Variants in SLC67A2 observed in about 807,000 individuals in gnomAD.
SLC67A2 encodes solute carrier family 67 member A2.
At chr2:102,727,485 T>C in the SLC67A2 span, among the ~76,000 whole-genome samples, 1 of 152,258 alleles carries the variant, frequency 6.6e-6, no homozygotes. Context: ...TCATTCCATG[T>C]TATTAAAACT....
the SLC67A2 span, chr2:102,718,636 G>A: frequency 8.1e-6 from 13 of 1,613,782 alleles, no homozygotes; most frequent in East Asian, 6.7e-5. Flanking sequence ...CCTGGGCCCC[G>A]CCCACAGTCA....
the SLC67A2 span, among the ~76,000 whole-genome samples, chr2:102,715,144 G>T: frequency 6.6e-6 from 1 of 152,132 alleles, no homozygotes; most frequent in Non-Finnish European, 1.5e-5. Flanking sequence ...CCAAAGTCCA[G>T]ACTACTCCTT....
At chr2:102,718,365 TC>T in the SLC67A2 span, 1 of 1,593,288 alleles carries the variant, frequency 6.3e-7, no homozygotes, top group Non-Finnish European at 8.6e-7. Context: ...CATCATGGCC[TC>T]CGGCCCTCAT....
chr2:102,736,699 C>G, the SLC67A2 span: 1 of 1,613,346 alleles, frequency 6.2e-7, no homozygotes, highest in African/African-American at 1.3e-5. Flanking sequence ...CCGACGGCAC[C>G]GGAGTCGGCA....
At chr2:102,730,944 CA>C in the SLC67A2 span, 3 of 1,225,220 alleles carry the variant, frequency 2.4e-6, no homozygotes, top group Non-Finnish European at 1.2e-6. Flanking sequence ...GTTCTCATCC[CA>C]AATCTATCAC....
chr2:102,723,110 G>A, the SLC67A2 span, among the ~76,000 whole-genome samples: 8 of 152,166 alleles, frequency 5.3e-5, no homozygotes, highest in Non-Finnish European at 1.2e-4. Context: ...AAATCACCTC[G>A]CACATGTTAG....
chr2:102,728,766 G>A, the SLC67A2 span, among the ~76,000 whole-genome samples: 1 of 152,136 alleles, frequency 6.6e-6, no homozygotes, highest in African/African-American at 2.4e-5. Context: ...GGACATATGA[G>A]CTAACCTCTC....
At chr2:102,727,704 T>G in the SLC67A2 span, among the ~76,000 whole-genome samples, 1 of 152,210 alleles carries the variant, frequency 6.6e-6, no homozygotes, top group Non-Finnish European at 1.5e-5. Context: ...TCCAATTCTA[T>G]GCAGGCATTT....
the SLC67A2 span, among the ~76,000 whole-genome samples, chr2:102,729,548 C>T: frequency 3.3e-5 from 5 of 152,130 alleles, no homozygotes; most frequent in Non-Finnish European, 5.9e-5. Flanking sequence ...ACATGAAATA[C>T]GACATTCTGC....
At chr2:102,714,635 A>G in the SLC67A2 span, among the ~76,000 whole-genome samples, 1 of 152,236 alleles carries the variant, frequency 6.6e-6, no homozygotes, top group African/African-American at 2.4e-5. Flanking sequence ...CCTCATTACA[A>G]TTATAAAGTT....
chr2:102,736,567 C>T, the SLC67A2 span: 2 of 1,611,802 alleles, frequency 1.2e-6, no homozygotes, highest in African/African-American at 1.3e-5. Flanking sequence ...GGGAGCTCCC[C>T]GGAAGCTCCA....
chr2:102,726,950 T>C, the SLC67A2 span: 3 of 1,613,504 alleles, frequency 1.9e-6, no homozygotes, highest in Non-Finnish European at 2.5e-6. Flanking sequence ...GAAGACCGTC[T>C]TCCCACTACA....
the SLC67A2 span, chr2:102,718,689 A>G: frequency 1.2e-6 from 2 of 1,614,030 alleles, no homozygotes; most frequent in Non-Finnish European, 1.7e-6. Flanking sequence ...GCAGTGGAGA[A>G]GGACAGGAGA....
the SLC67A2 span, chr2:102,718,838 C>T: frequency 7.4e-6 from 12 of 1,613,936 alleles, no homozygotes; most frequent in East Asian, 2.2e-5. Flanking sequence ...CAGGGCAAGG[C>T]CGGCCACGGC....
the SLC67A2 span, chr2:102,726,808 C>T: frequency 1.4e-5 from 21 of 1,512,018 alleles, no homozygotes; most frequent in East Asian, 5.1e-4. Flanking sequence ...CTGGGGGAAG[C>T]TACGTTTGAA....
chr2:102,727,174 A>G, the SLC67A2 span, among the ~76,000 whole-genome samples: 1,619 of 146,912 alleles, frequency 0.011, 36 homozygotes, highest in African/African-American at 0.038. Flanking sequence ...AACACAATGT[A>G]TTTTTTTTTT....
chr2:102,730,857 A>G, the SLC67A2 span, among the ~76,000 whole-genome samples: 2,330 of 152,298 alleles, frequency 0.015, 70 homozygotes, highest in African/African-American at 0.054. Context: ...CCTAAAATTG[A>G]TAATAACTTT....
chr2:102,726,898 A>G, the SLC67A2 span: 5 of 1,613,588 alleles, frequency 3.1e-6, no homozygotes, highest in Non-Finnish European at 3.4e-6. Context: ...TGCTCCGAGA[A>G]GGAGATAGCC....
chr2:102,736,429 T>C, the SLC67A2 span: 48 of 1,308,462 alleles, frequency 3.7e-5, no homozygotes, highest in Non-Finnish European at 4.5e-5. Context: ...GCGAACGGGG[T>C]GCAAGAGAAA....
Sources: gnomAD v4.1 joint callset for allele counts (sites outside exome capture counted in the v4.1 genomes callset) on GRCh38, gnomAD v4.1.1 for gene constraint, MANE v1.5 for transcripts, NCBI Gene and HGNC (gene_info 2026-07-23, HGNC 2026-07-21) for gene names.